Variants in PDZRN3 observed in about 807,000 individuals in gnomAD.
The protein encoded by PDZRN3 is PDZ domain containing ring finger 3.
PDZRN3 carries 38 observed loss-of-function variants against 85.7 expected under a neutral mutation model. The observed-to-expected ratio is 0.44, with a 90% CI of 0.34 to 0.58. The LOEUF (loss-of-function observed/expected upper bound fraction) is 0.58, where lower values mean the gene tolerates loss of function less well. PDZRN3 is among the 20% of genes least tolerant of loss of function. PDZRN3 has a pLI of 0.01. For missense variants in PDZRN3, 1,629 were observed against 1,506.4 expected, an observed-to-expected ratio of 1.08 and a Z score of -1.35; for synonymous variants, 759 against 638.0, an observed-to-expected ratio of 1.19 and a Z score of -2.86.
intron 3 of PDZRN3, among the ~76,000 whole-genome samples, chr3:73,470,364 G>A (rs185007389): frequency 5.5e-4 from 84 of 152,272 alleles, no homozygotes; most frequent in African/African-American, 1.9e-3. Flanking sequence ...TATAAAGGAT[G>A]GGCTGCTTGA....
intron 3 of PDZRN3, among the ~76,000 whole-genome samples, chr3:73,531,235 A>G (rs974597699): frequency 7.6e-6 from 1 of 132,310 alleles, no homozygotes; most frequent in East Asian, 2.2e-4. Context: ...TGGGTGACAG[A>G]GCGAGACTTC....
intron 3 of PDZRN3, chr3:73,569,078 T>G: frequency 1.1e-6 from 1 of 891,710 alleles, no homozygotes; most frequent in Non-Finnish European, 1.6e-6. Flanking sequence ...GCCCAAAGTA[T>G]GTGCTGCAGC....
intron 3 of PDZRN3, among the ~76,000 whole-genome samples, chr3:73,412,275 A>C (rs781073833): frequency 2.0e-5 from 3 of 152,124 alleles, no homozygotes; most frequent in Non-Finnish European, 4.4e-5. Context: ...CCCTGGTGTA[A>C]ACTTCATATT....
intron 3 of PDZRN3, among the ~76,000 whole-genome samples, chr3:73,567,242 TG>T (rs1384242447): frequency 6.6e-6 from 1 of 152,200 alleles, no homozygotes; most frequent in Non-Finnish European, 1.5e-5. Flanking sequence ...ATAACTTTCC[TG>T]GATACTTCCA....
chr3:73,385,017 T>G, intron 9 of PDZRN3, 87 bp from the exon 10 acceptor site: 1 of 1,458,316 alleles, frequency 6.9e-7, no homozygotes, highest in Middle Eastern at 2.3e-4. Flanking sequence ...GGTTTCTGGA[T>G]AGGGCAGGCT....
chr3:73,409,632 C>A (rs1701925186), intron 3 of PDZRN3, among the ~76,000 whole-genome samples: 1 of 152,120 alleles, frequency 6.6e-6, no homozygotes, highest in African/African-American at 2.4e-5. Context: ...TCGAGTGACT[C>A]AGAGACTACA....
At position 73,549,196 on chromosome 3, in the gene PDZRN3, C is replaced by T. The variant is rs552602237; in HGVS notation, c.918+53158G>A. Among the ~76,000 whole-genome samples, 5 of 152,222 alleles carry T rather than the reference C, an allele frequency of 3.3e-5. No individual in the cohort carries two copies. In the South Asian group the frequency reaches 6.2e-4, roughly 19 times the overall value. ...TATTTTTCATTTAATTGCAGAATAACGAGTGCTCTGTTCATGAAGTCCAGG... is the reference window on the plus strand; with the variant it reads ...TATTTTTCATTTAATTGCAGAATAATGAGTGCTCTGTTCATGAAGTCCAGG... On this transcript the variant is annotated intron_variant, in intron 3 of 9. Transcript: ENST00000263666.
At chr3:73,574,874 A>G (rs1702100646) in intron 3 of PDZRN3, among the ~76,000 whole-genome samples, 1 of 152,234 alleles carries the variant, frequency 6.6e-6, no homozygotes, top group Admixed American at 6.5e-5. Flanking sequence ...GCCCTGTGCT[A>G]AACAATCCCT....
chr3:73,392,083 G>C (rs1701540438), intron 5 of PDZRN3, among the ~76,000 whole-genome samples: 1 of 152,238 alleles, frequency 6.6e-6, no homozygotes, highest in Non-Finnish European at 1.5e-5. Flanking sequence ...TGTCTATGCG[G>C]AGAAGCTCAA....
intron 3 of PDZRN3, among the ~76,000 whole-genome samples, chr3:73,465,557 A>C (rs1452552001): frequency 2.6e-5 from 4 of 152,228 alleles, no homozygotes; most frequent in African/African-American, 9.6e-5. Flanking sequence ...GATGAACAAG[A>C]TCTCACCATT....
intron 3 of PDZRN3, chr3:73,433,764 C>T: frequency 6.5e-7 from 1 of 1,534,724 alleles, no homozygotes; most frequent in South Asian, 1.2e-5. Flanking sequence ...GGAAAAGCAG[C>T]TCCCTTACAG....
intron 3 of PDZRN3, among the ~76,000 whole-genome samples, chr3:73,581,047 T>C (rs1702194607): frequency 6.6e-6 from 1 of 152,232 alleles, no homozygotes; most frequent in Non-Finnish European, 1.5e-5. Context: ...GGATACATTT[T>C]GGAGTTTGAG....
chr3:73,569,549 C>G (rs1702013165), intron 3 of PDZRN3: 14 of 1,056,148 alleles, frequency 1.3e-5, no homozygotes, highest in Non-Finnish European at 1.6e-5. Context: ...TCAGAAGCCT[C>G]CCACCCCCAC....
chr3:73,551,051 C>T (rs986512980), intron 3 of PDZRN3, among the ~76,000 whole-genome samples: 3 of 152,176 alleles, frequency 2.0e-5, no homozygotes, highest in Non-Finnish European at 2.9e-5. Context: ...ACTGTGATGT[C>T]ATTCATTTAA....
chr3:73,433,528 C>G, intron 3 of PDZRN3: 1 of 698,160 alleles, frequency 1.4e-6, no homozygotes, highest in Non-Finnish European at 2.4e-6. Context: ...TCTTTCAGAA[C>G]ACAAAATATG....
intron 3 of PDZRN3, among the ~76,000 whole-genome samples, chr3:73,531,013 G>A (rs1033354943): frequency 2.0e-5 from 3 of 152,122 alleles, no homozygotes; most frequent in African/African-American, 7.2e-5. Context: ...CACTTTGGGA[G>A]GCCGAGGTGG....
chr3:73,582,538 T>A (rs1702216447), intron 3 of PDZRN3, among the ~76,000 whole-genome samples: 1 of 152,154 alleles, frequency 6.6e-6, no homozygotes, highest in Non-Finnish European at 1.5e-5. Context: ...AATGTTTTTA[T>A]GATGATTATT....
At chr3:73,483,038 C>G (rs1703596315) in intron 3 of PDZRN3, among the ~76,000 whole-genome samples, 1 of 152,210 alleles carries the variant, frequency 6.6e-6, no homozygotes, top group Non-Finnish European at 1.5e-5. Context: ...ACACGCATGC[C>G]TTGCCTTTGC....
At chr3:73,586,700 A>G (rs1320735153) in intron 3 of PDZRN3, among the ~76,000 whole-genome samples, 1 of 152,224 alleles carries the variant, frequency 6.6e-6, no homozygotes, top group Non-Finnish European at 1.5e-5. Flanking sequence ...AGTGCAGGCA[A>G]TCACCACACA....
Sources: allele counts gnomAD v4.1 joint callset (sites outside exome capture counted in the v4.1 genomes callset), GRCh38; gene constraint gnomAD v4.1.1; transcripts MANE v1.5; gene names NCBI Gene and HGNC (gene_info 2026-07-23, HGNC 2026-07-21).